The following RPA3 variants were observed in gnomAD, a reference collection of about 807,000 sequenced individuals.
RPA3 encodes the protein replication protein A 14 kDa subunit.
A neutral mutation model predicts 13.7 loss-of-function variants in RPA3; 24 were observed. The observed-to-expected ratio is 1.75, with a 90% CI of 1.27 to 2.46. RPA3 has a LOEUF of 2.46. RPA3 is among the 30% of genes most tolerant of loss of function. The pLI, the probability that RPA3 is intolerant of heterozygous loss-of-function variation, is 0.00. For missense variants in RPA3, 183 were observed against 151.0 expected (o/e 1.21, Z -1.11); for synonymous variants, 59 against 51.2 (o/e 1.15, Z -0.65).
At chr7:7,701,216 A>G (rs1281908576) in intron 2 of RPA3, among the ~76,000 whole-genome samples, 2 of 151,840 alleles carry the variant, frequency 1.3e-5, no homozygotes, top group African/African-American at 4.8e-5. Flanking sequence ...TAAGGAATGA[A>G]CTGTATCATT....
At chr7:7,643,623 A>C (rs938667620) in intron 4 of RPA3, among the ~76,000 whole-genome samples, 1 of 151,854 alleles carries the variant, frequency 6.6e-6, no homozygotes, top group Admixed American at 6.6e-5. Context: ...GAGGCAGGAG[A>C]ATGGCGTGAA....
intron 4 of RPA3, among the ~76,000 whole-genome samples, chr7:7,674,851 C>G (rs950503536): frequency 6.6e-6 from 1 of 152,212 alleles, no homozygotes; most frequent in East Asian, 1.9e-4. Context: ...TGTGAAGTTT[C>G]TCTTTTTCAG....
intron 4 of RPA3, among the ~76,000 whole-genome samples, chr7:7,672,562 A>G (rs1179774710): frequency 3.3e-5 from 5 of 152,026 alleles, no homozygotes; most frequent in Non-Finnish European, 7.4e-5. Flanking sequence ...AGGTGTAGAT[A>G]ATTAAATCAT....
chr7:7,652,614 CA>C (rs1219972851), intron 4 of RPA3, among the ~76,000 whole-genome samples: 1 of 152,174 alleles, frequency 6.6e-6, no homozygotes, highest in Non-Finnish European at 1.5e-5. Context: ...GATAAAGAGG[CA>C]GGAAGTAGAT....
intron 4 of RPA3, among the ~76,000 whole-genome samples, chr7:7,663,515 C>G (rs1563097804): frequency 1.3e-5 from 2 of 152,062 alleles, no homozygotes; most frequent in Non-Finnish European, 2.9e-5. Flanking sequence ...GACGGAAAAA[C>G]AGGGGGAGAG....
intron 4 of RPA3, among the ~76,000 whole-genome samples, chr7:7,672,501 C>A (rs28915987): frequency 6.6e-6 from 1 of 152,142 alleles, no homozygotes; most frequent in African/African-American, 2.4e-5. Flanking sequence ...TTTGTCCCCA[C>A]CCAAATCTCA....
At chr7:7,658,626 T>G (rs1049438395) in intron 4 of RPA3, among the ~76,000 whole-genome samples, 2 of 152,226 alleles carry the variant, frequency 1.3e-5, no homozygotes, top group Admixed American at 6.5e-5. Flanking sequence ...TTGATTTGTG[T>G]ATGTTGAACC....
chr7:7,694,010 T>TGC (rs1780243613), intron 2 of RPA3, among the ~76,000 whole-genome samples: 1 of 152,216 alleles, frequency 6.6e-6, no homozygotes, highest in Admixed American at 6.5e-5. Flanking sequence ...GCTTTGTTGA[T>TGC]ATAAGGCAAC....
chr7:7,672,144 A>G (rs976342960), intron 4 of RPA3, among the ~76,000 whole-genome samples: 43 of 152,196 alleles, frequency 2.8e-4, no homozygotes, highest in Non-Finnish European at 4.0e-4. Context: ...GCTATGGGTG[A>G]AATATATGAA....
Position 7,640,385 on chromosome 7 carries a change from T to G in RPA3, c.34A>C (p.Ile12Leu), listed in dbSNP as rs1398966548. 2 of 1,614,086 alleles carry G rather than the reference T, an allele frequency of 1.2e-6. No homozygotes were observed. Among genetic ancestry groups the G allele is most frequent in the South Asian group, 2.2e-5 (2 of 91,090 alleles). The change falls in exon 5 of 8, where the codon ATC (isoleucine) becomes CTC (leucine). Residue 12 changes from isoleucine to leucine, a missense_variant. Ile to Leu is a conservative substitution (Grantham distance 5, BLOSUM62 2). Transcript: ENST00000223129. Reference sequence around the variant, plus strand: ...AATTGAGCTAGCATGCCGGCGTTGATGCGCGACCTGGGCAAGTCCATCATG... The same window carrying G: ...AATTGAGCTAGCATGCCGGCGTTGAGGCGCGACCTGGGCAAGTCCATCATG... ...VDMMDLPRSR[I>L]NAGMLAQFID...
At chr7:7,693,594 C>T (rs188623119) in intron 2 of RPA3, among the ~76,000 whole-genome samples, 1 of 151,970 alleles carries the variant, frequency 6.6e-6, no homozygotes, top group African/African-American at 2.4e-5. Flanking sequence ...ACATTAAGGT[C>T]TATTTTAAGG....
chr7:7,665,968 A>G (rs1190998782), intron 4 of RPA3, among the ~76,000 whole-genome samples: 1 of 151,696 alleles, frequency 6.6e-6, no homozygotes, highest in Non-Finnish European at 1.5e-5. Context: ...TTTTTTGGTT[A>G]TTAAAAAAAA....
chr7:7,710,635 TAGAC>T (rs778895464), intron 2 of RPA3, among the ~76,000 whole-genome samples: 2 of 152,124 alleles, frequency 1.3e-5, no homozygotes, highest in African/African-American at 2.4e-5. Context: ...CTCTGGAAAA[TAGAC>T]AGTTTCTGAA....
At chr7:7,670,602 C>G (rs549833102) in intron 4 of RPA3, among the ~76,000 whole-genome samples, 9 of 152,262 alleles carry the variant, frequency 5.9e-5, no homozygotes, top group South Asian at 2.1e-4. Context: ...TCTCATTGCC[C>G]CATTCAGATA....
At chr7:7,670,305 G>T (rs1182035724) in intron 4 of RPA3, among the ~76,000 whole-genome samples, 1 of 152,168 alleles carries the variant, frequency 6.6e-6, no homozygotes, top group Admixed American at 6.5e-5. Context: ...TCTGTTAAAA[G>T]ACTGTTATTC....
chr7:7,646,425 G>A (rs1785094302), intron 4 of RPA3, among the ~76,000 whole-genome samples: 1 of 150,812 alleles, frequency 6.6e-6, no homozygotes, highest in African/African-American at 2.4e-5. Context: ...TCTCGTGGTA[G>A]TGAATAAGTC....
At position 7,652,591 on chromosome 7, in the gene RPA3, G is replaced by A. The variant is rs118067956; in HGVS notation, c.-757-11416C>T. Reference sequence around the variant, plus strand: ...TGTGCCCATTGACATTGTGAGAGGTGGTAGAGAAGTAGGATAAAGAGGCAG... The same window carrying A: ...TGTGCCCATTGACATTGTGAGAGGTAGTAGAGAAGTAGGATAAAGAGGCAG... On this transcript the variant is annotated intron_variant, in intron 4 of 7. Coordinates refer to ENST00000223129, the MANE Select transcript of RPA3 (RefSeq NM_002947.5). Among the ~76,000 whole-genome samples, 1,039 of 152,312 alleles carry A rather than the reference G, an allele frequency of 6.8e-3. 7 individuals carry two copies. Among genetic ancestry groups the A allele is most frequent in the Non-Finnish European group, 8.7e-3 (590 of 68,028 alleles).
Position 7,681,941 on chromosome 7 carries a change from A to G in RPA3, c.-758+3889T>C, listed in dbSNP as rs560664015. The stretch of plus-strand genomic sequence containing the variant: ...GAATTAGCTTATTATGTTATAGCAA[A>G]AAGAAGGAAAAATAACAACAAAAAG... On this transcript the variant is annotated intron_variant, in intron 4 of 7. Transcript: ENST00000223129. 5.9e-5 allele frequency among the ~76,000 whole-genome samples: 9 copies of G among 152,304 alleles called. 1 individual carries two copies. The highest frequency in any genetic ancestry group is 1.9e-4 in the African/African-American group (8 of 41,578).
chr7:7,700,227 C>G (rs1331336054), intron 2 of RPA3, among the ~76,000 whole-genome samples: 2 of 152,154 alleles, frequency 1.3e-5, no homozygotes, highest in East Asian at 3.8e-4. Flanking sequence ...GCACTTTCTC[C>G]CTGCTCCCCA....
Sources: gnomAD v4.1 joint callset for allele counts (sites outside exome capture counted in the v4.1 genomes callset) on GRCh38, gnomAD v4.1.1 for gene constraint, MANE v1.5 for transcripts, NCBI Gene and HGNC (gene_info 2026-07-23, HGNC 2026-07-21) for gene names.